SEMA3A: variants seen among roughly 807,000 people sequenced by gnomAD.
SEMA3A encodes the protein semaphorin-3A.
In SEMA3A, 29 loss-of-function variants were observed where a neutral mutation model predicts 97.9. That is an observed-to-expected ratio of 0.30 (90% confidence interval 0.22 to 0.40). SEMA3A has a LOEUF of 0.40. Ranked by LOEUF, SEMA3A falls within the 10% of genes least tolerant of loss-of-function variation. The probability of loss-of-function intolerance (pLI) is 1.00; values close to 1 mark genes in which losing one functional copy is unlikely to be tolerated. For missense variants in SEMA3A, 763 were observed against 951.3 expected (o/e 0.80, Z 2.60); for synonymous variants, 321 against 323.7 (o/e 0.99, Z 0.09).
chr7:84,313,052 T>G (rs1304613444), intron 2 of SEMA3A, among the ~76,000 whole-genome samples: 1 of 144,670 alleles, frequency 6.9e-6, no homozygotes, highest in Non-Finnish European at 1.5e-5. Context: ...TAAGTGTATA[T>G]ATATGTATAA....
chr7:84,458,398 AT>A (rs1264398487), intron 1 of SEMA3A, among the ~76,000 whole-genome samples: 1 of 152,094 alleles, frequency 6.6e-6, no homozygotes, highest in Non-Finnish European at 1.5e-5. Flanking sequence ...TGCCATATTA[AT>A]TCAGAGAAAA....
In SEMA3A at chr7:84,430,789, T is replaced by G. The variant is rs866626869; in HGVS notation, c.-245-58889A>C. Among the ~76,000 whole-genome samples the G allele has an allele frequency of 1.9e-4, 27 of 143,434 alleles. No individual in the cohort carries two copies. The East Asian group carries it at 2.4e-3, about 13-fold the overall frequency. 94.1% of individuals were successfully genotyped at this position (143,434 alleles called of 152,430 possible). On this transcript the variant is annotated intron_variant, in intron 1 of 3. Transcript: ENST00000424555. ...CTTCTATACCTACACAACATAAAAT[T>G]TGTGTGTGTGTGTGTGTGTGTGTGT...
intron 5 of SEMA3A, among the ~76,000 whole-genome samples, chr7:84,052,376 C>A (rs528088207): frequency 6.6e-6 from 1 of 152,266 alleles, no homozygotes; most frequent in Non-Finnish European, 1.5e-5. Context: ...TTGATTATTG[C>A]CACAATTTCA....
At chr7:84,035,025 TA>T (rs1791892258) in intron 6 of SEMA3A, among the ~76,000 whole-genome samples, 1 of 152,112 alleles carries the variant, frequency 6.6e-6, no homozygotes, top group African/African-American at 2.4e-5. Flanking sequence ...TCCCATAAAA[TA>T]ACTATCAGAA....
upstream of SEMA3A, among the ~76,000 whole-genome samples, chr7:84,199,129 C>T (rs1798299719): frequency 6.6e-6 from 1 of 152,108 alleles, no homozygotes; most frequent in Non-Finnish European, 1.5e-5. Context: ...TAAGTACTTT[C>T]CTTGGTTATA....
intron 1 of SEMA3A, among the ~76,000 whole-genome samples, chr7:84,147,387 T>A (rs1017016765): frequency 6.6e-6 from 1 of 152,206 alleles, no homozygotes; most frequent in Non-Finnish European, 1.5e-5. Flanking sequence ...AGGAAAAAAG[T>A]CTTCCTTATT....
chr7:84,277,122 C>T (rs1800319507), intron 3 of SEMA3A, among the ~76,000 whole-genome samples: 1 of 152,028 alleles, frequency 6.6e-6, no homozygotes, highest in African/African-American at 2.4e-5. Context: ...CTCATGTCTA[C>T]AGTTGTATGA....
intron 3 of SEMA3A, among the ~76,000 whole-genome samples, chr7:84,276,801 A>G (rs1259020199): frequency 3.0e-4 from 45 of 152,122 alleles, no homozygotes; most frequent in Admixed American, 2.9e-3. Context: ...CATTAACAAA[A>G]TGGATTTTTA....
intron 1 of SEMA3A, among the ~76,000 whole-genome samples, chr7:84,151,866 C>T (rs1443292240): frequency 4.6e-5 from 7 of 152,118 alleles, no homozygotes; most frequent in African/African-American, 1.7e-4. Context: ...ACAACCCCAT[C>T]AAAAAGTGGG....
chr7:84,222,679 A>G (rs914356144), intron 3 of SEMA3A, among the ~76,000 whole-genome samples: 6 of 151,850 alleles, frequency 4.0e-5, no homozygotes, highest in Admixed American at 3.3e-4. Context: ...TTATTTTTTA[A>G]TTGCAATAAA....
intron 3 of SEMA3A, among the ~76,000 whole-genome samples, chr7:84,237,061 A>G (rs770481303): frequency 6.6e-6 from 1 of 152,160 alleles, no homozygotes. Context: ...ACGACCAAAT[A>G]AATAAATCGG....
intron 2 of SEMA3A, among the ~76,000 whole-genome samples, chr7:84,313,456 A>AC (rs977521506): frequency 6.9e-6 from 1 of 144,902 alleles, no homozygotes; most frequent in African/African-American, 2.5e-5. Context: ...ACAGTTATGA[A>AC]CCTTGATACA....
At chr7:84,131,999 G>A (rs377249595) in intron 2 of SEMA3A, among the ~76,000 whole-genome samples, 1 of 151,978 alleles carries the variant, frequency 6.6e-6, no homozygotes, top group South Asian at 2.1e-4. Flanking sequence ...ATTTTGTAGC[G>A]ACAGGGTTTC....
At chr7:84,279,947 G>C (rs1271218328) in intron 3 of SEMA3A, among the ~76,000 whole-genome samples, 2 of 152,086 alleles carry the variant, frequency 1.3e-5, no homozygotes, top group African/African-American at 4.8e-5. Context: ...GCTCAGGCTA[G>C]AGTGCAGTGG....
chr7:83,959,721 A>G lies in SEMA3A; in HGVS notation c.*1650T>C, dbSNP rs1788390758. Reference sequence around the variant, plus strand: ...TTAGAATTTCAATGTTGCTTCATTAATTACTAATAAGATGTTTTCTTTGCA... The same window carrying G: ...TTAGAATTTCAATGTTGCTTCATTAGTTACTAATAAGATGTTTTCTTTGCA... On this transcript the variant is annotated 3_prime_UTR_variant, in exon 17 of 17. Transcript: ENST00000265362. 2 of 152,082 alleles carry G rather than the reference A, an allele frequency of 1.3e-5. No homozygotes were observed. Among genetic ancestry groups the G allele is most frequent in the African/African-American group, 4.8e-5 (2 of 41,444 alleles). 9.4% of individuals were successfully genotyped at this position (152,082 alleles called of 1,614,324 possible). A position where few individuals can be genotyped will look rare whatever the true frequency, so the allele number is the denominator to read the frequency against.
At chr7:84,230,849 T>C (rs187092732) in intron 3 of SEMA3A, among the ~76,000 whole-genome samples, 11 of 152,098 alleles carry the variant, frequency 7.2e-5, no homozygotes, top group African/African-American at 2.6e-4. Flanking sequence ...TTTAAAAATG[T>C]TTTTTATATT....
intron 3 of SEMA3A, among the ~76,000 whole-genome samples, chr7:84,252,072 T>C (rs565396162): frequency 6.6e-6 from 1 of 152,300 alleles, no homozygotes; most frequent in South Asian, 2.1e-4. Flanking sequence ...TAAATTTGAA[T>C]ACTCATCCGA....
intron 12 of SEMA3A, among the ~76,000 whole-genome samples, chr7:83,992,477 C>G (rs1002574466): frequency 2.6e-5 from 4 of 151,574 alleles, no homozygotes; most frequent in Middle Eastern, 6.8e-3. Context: ...TTTCCCTCTA[C>G]ACACTGCTTT....
At chr7:84,140,472 T>G (rs1370501282) in intron 1 of SEMA3A, among the ~76,000 whole-genome samples, 1 of 152,128 alleles carries the variant, frequency 6.6e-6, no homozygotes, top group Admixed American at 6.6e-5. Context: ...TTTGGTAACA[T>G]GAAAGGTAAT....
Sources: allele counts gnomAD v4.1 joint callset (sites outside exome capture counted in the v4.1 genomes callset), GRCh38; gene constraint gnomAD v4.1.1; transcripts MANE v1.5; gene names NCBI Gene and HGNC (gene_info 2026-07-23, HGNC 2026-07-21).